Variants in AKAP12 observed in about 807,000 individuals in gnomAD.
The protein encoded by AKAP12 is A-kinase anchor protein 12.
In AKAP12, 32 loss-of-function variants were observed where a neutral mutation model predicts 79.9. The ratio of observed to expected loss-of-function variants is 0.40; its 90% CI spans 0.30 to 0.54. The LOEUF is 0.54. AKAP12 is among the 20% of genes least tolerant of loss of function. AKAP12 has a pLI of 0.48. For missense variants in AKAP12, 2,074 were observed against 2,177.0 expected, an observed-to-expected ratio of 0.95 and a Z score of 0.94; for synonymous variants, 808 against 857.0, an observed-to-expected ratio of 0.94 and a Z score of 1.00.
chr6:151,300,152 A>G (rs1343516506), intron 2 of AKAP12, among the ~76,000 whole-genome samples: 4 of 152,156 alleles, frequency 2.6e-5, no homozygotes, highest in Non-Finnish European at 4.4e-5. Flanking sequence ...GAAGGAGAAA[A>G]CACAATGAAG....
chr6:151,301,591 A>G (rs7760719), intron 2 of AKAP12, among the ~76,000 whole-genome samples: 5,874 of 152,286 alleles, frequency 0.039, 387 homozygotes, highest in African/African-American at 0.13. Flanking sequence ...TCCATCTTTA[A>G]CAACACGTGG....
chr6:151,331,933 T>C (rs73619274), intron 3 of AKAP12, among the ~76,000 whole-genome samples: 15,746 of 149,598 alleles, frequency 0.11, 907 homozygotes, highest in East Asian at 0.16. Flanking sequence ...AGCACGATCA[T>C]AGCTCACTGC....
At chr6:151,344,008 C>A in intron 3 of AKAP12, 1 of 422,720 alleles carries the variant, frequency 2.4e-6, no homozygotes. Context: ...TCTGGACTTT[C>A]TCTTTGAATA....
intron 4 of AKAP12, among the ~76,000 whole-genome samples, chr6:151,355,299 T>C (rs1364926226): frequency 6.6e-6 from 1 of 151,336 alleles, no homozygotes; most frequent in East Asian, 1.9e-4. Flanking sequence ...CTATCTTTGT[T>C]TTTTGTTTGT....
intron 2 of AKAP12, among the ~76,000 whole-genome samples, chr6:151,268,288 G>A (rs1395715719): frequency 7.2e-5 from 11 of 152,068 alleles, no homozygotes; most frequent in African/African-American, 2.7e-4. Context: ...GTGGTGGCAC[G>A]TGCCTGTAAT....
At position 151,351,265 on chromosome 6, in the gene AKAP12, A is replaced by G; in HGVS notation, c.2874A>G (p.Arg958=). Residue 958 remains arginine (R), a synonymous_variant, in exon 4 of 5, where the codon AGA becomes AGG. Transcript: ENST00000402676. The surrounding 1 kb of genome is among the most constrained non-coding windows in gnomAD (Gnocchi z 4.4). ...TTACTGAACCTCTGCCAGAGAACAG[A>G]GAGGCCCGGGGCGACACGGTCGTTA... ...PTVTEPLPEN[R]EARGDTVVSE... The G allele has an allele frequency of 6.2e-7, 1 of 1,614,246 alleles. No homozygotes were observed. The highest frequency in any genetic ancestry group is 8.5e-7 in the Non-Finnish European group (1 of 1,180,050).
chr6:151,346,170 C>T (rs1778097449), intron 3 of AKAP12, among the ~76,000 whole-genome samples: 1 of 152,110 alleles, frequency 6.6e-6, no homozygotes, highest in Non-Finnish European at 1.5e-5. Context: ...CAGGATCATG[C>T]CAGGTACCTC....
chr6:151,262,687 A>T (rs1359572643), intron 2 of AKAP12, among the ~76,000 whole-genome samples: 1 of 152,166 alleles, frequency 6.6e-6, no homozygotes, highest in Non-Finnish European at 1.5e-5. Context: ...TGAATTAACT[A>T]AAGTTTAGAA....
chr6:151,312,062 G>T (rs975743132), intron 3 of AKAP12, among the ~76,000 whole-genome samples: 1 of 152,082 alleles, frequency 6.6e-6, no homozygotes, highest in African/African-American at 2.4e-5. Flanking sequence ...TTGGTATCTT[G>T]TTAGAAGTGC....
chr6:151,345,940 A>C (rs1282281664), intron 3 of AKAP12, among the ~76,000 whole-genome samples: 1 of 145,294 alleles, frequency 6.9e-6, no homozygotes, highest in South Asian at 2.3e-4. Flanking sequence ...TGTGAGAGAG[A>C]GAGAGAGAGA....
At chr6:151,324,990 C>G (rs1777487624) in intron 3 of AKAP12, 1 of 985,322 alleles carries the variant, frequency 1.0e-6, no homozygotes, top group African/African-American at 1.7e-5. Context: ...AAAAAGTTAG[C>G]TAACTTCTGC....
chr6:151,304,488 CAAAAAAAAAAAAAA>C lies in AKAP12; in HGVS notation c.163-1241_163-1228del, dbSNP rs1157088954. On this transcript the variant is annotated intron_variant, in intron 2 of 4. Coordinates refer to ENST00000402676, the MANE Select transcript of AKAP12 (RefSeq NM_005100.4). ...TGGGTGAAACAGTGACACTCCATCT[CAAAAAAAAAAAAAA>C]AAAAAAAAAAAAAAAAAGGATTATA... Among the ~76,000 whole-genome samples, 24 of 46,004 alleles carry C rather than the reference CAAAAAAAAAAAAAA, an allele frequency of 5.2e-4. 1 individual carries two copies. The South Asian group carries it at 0.014, about 27-fold the overall frequency. The allele number at this position is 46,004 out of a possible 152,430, so 30.2% of individuals were successfully genotyped here. A position where few individuals can be genotyped will look rare whatever the true frequency, so the allele number is the denominator to read the frequency against.
chr6:151,342,306 C>T (rs1582894865), intron 3 of AKAP12, among the ~76,000 whole-genome samples: 1 of 152,358 alleles, frequency 6.6e-6, no homozygotes, highest in East Asian at 1.9e-4. Context: ...AATGCGGGTT[C>T]CAAGCCCAGT....
intron 3 of AKAP12, among the ~76,000 whole-genome samples, chr6:151,336,944 C>T (rs1379067577): frequency 1.3e-5 from 2 of 152,114 alleles, no homozygotes. Context: ...ATTTAAACAC[C>T]AGTCTGTCCC....
intron 2 of AKAP12, among the ~76,000 whole-genome samples, chr6:151,251,779 C>T (rs1302135246): frequency 6.6e-6 from 1 of 152,180 alleles, no homozygotes; most frequent in Non-Finnish European, 1.5e-5. Flanking sequence ...GGCAGATCCC[C>T]TGAAGTCAGG....
intron 3 of AKAP12, among the ~76,000 whole-genome samples, chr6:151,306,335 A>G (rs1188734035): frequency 6.6e-6 from 1 of 152,114 alleles, no homozygotes; most frequent in African/African-American, 2.4e-5. Context: ...ATAGCTCTTG[A>G]GCCTAGAGAT....
intron 3 of AKAP12, among the ~76,000 whole-genome samples, chr6:151,331,073 A>G (rs1031870205): frequency 5.3e-5 from 8 of 152,232 alleles, no homozygotes; most frequent in Non-Finnish European, 7.3e-5. Context: ...AACCCAGGTT[A>G]ATAGCAGGTA....
At chr6:151,266,756 C>T (rs1776040964) in intron 2 of AKAP12, among the ~76,000 whole-genome samples, 1 of 151,940 alleles carries the variant, frequency 6.6e-6, no homozygotes, top group South Asian at 2.1e-4. Context: ...GTACATATAC[C>T]TGATCATTGT....
intron 3 of AKAP12, among the ~76,000 whole-genome samples, chr6:151,312,389 C>T (rs563149047): frequency 6.6e-6 from 1 of 151,940 alleles, no homozygotes; most frequent in East Asian, 1.9e-4. Flanking sequence ...GGGAGGATCG[C>T]TTGACTTGAG....
Sources: allele counts gnomAD v4.1 joint callset (sites outside exome capture counted in the v4.1 genomes callset), GRCh38; gene constraint gnomAD v4.1.1; non-coding constraint Gnocchi (gnomAD v3.1); transcripts MANE v1.5; gene names NCBI Gene and HGNC (gene_info 2026-07-23, HGNC 2026-07-21).